The following ARSG variants were observed in gnomAD, a reference collection of about 807,000 sequenced individuals.
ARSG encodes arylsulfatase G.
A neutral mutation model predicts 50.5 loss-of-function variants in ARSG; 37 were observed. That is an observed-to-expected ratio of 0.73 (90% CI 0.56 to 0.96). The LOEUF (loss-of-function observed/expected upper bound fraction) is 0.96, where lower values mean the gene tolerates loss of function less well. Among genes scored for constraint, ARSG ranks in the 50% least tolerant of loss-of-function variants. ARSG has a pLI of 0.00. For missense variants in ARSG, 629 were observed against 675.3 expected, an observed-to-expected ratio of 0.93 and a Z score of 0.76; for synonymous variants, 225 against 254.6, an observed-to-expected ratio of 0.88 and a Z score of 1.11.
chr17:68,282,355 G>A (rs2075720151), intron 1 of ARSG, among the ~76,000 whole-genome samples: 2 of 152,060 alleles, frequency 1.3e-5, no homozygotes, highest in African/African-American at 4.8e-5. Context: ...CCTGTCGTGG[G>A]GTTGGGGGAA....
At chr17:68,278,010 C>T in intron 1 of ARSG, 1 of 905,234 alleles carries the variant, frequency 1.1e-6, no homozygotes, top group Non-Finnish European at 1.7e-6. Flanking sequence ...ATCACAAACA[C>T]ATCGACTACC....
the ARSG span, among the ~76,000 whole-genome samples, chr17:68,445,649 T>C: frequency 3.3e-5 from 5 of 152,358 alleles, no homozygotes; most frequent in African/African-American, 1.2e-4. Context: ...CTCTTCCCAA[T>C]GGCTGTGCTC....
intron 1 of ARSG, among the ~76,000 whole-genome samples, chr17:68,296,235 G>A (rs533039053): frequency 3.2e-4 from 48 of 152,246 alleles, no homozygotes; most frequent in African/African-American, 1.1e-3. Flanking sequence ...ATTTTGCCCC[G>A]ATCGAGTCAC....
At position 68,351,207 on chromosome 17, in the gene ARSG, A is replaced by C. The variant is rs557535533; in HGVS notation, c.455-368A>C. Among the ~76,000 whole-genome samples, 3 of 151,756 alleles carry C rather than the reference A, an allele frequency of 2.0e-5. No homozygotes were observed. In the East Asian group the frequency reaches 5.8e-4, roughly 29 times the overall value. Reference sequence around the variant, plus strand: ...TTTTTTTTTTCTCTGTGGTTGTGGCAGCTAAGAACAACTGTTTTTTTTTTA... The same window carrying C: ...TTTTTTTTTTCTCTGTGGTTGTGGCCGCTAAGAACAACTGTTTTTTTTTTA... On this transcript the variant is annotated intron_variant, in intron 4 of 11. Transcript: ENST00000621439.
At chr17:68,301,507 C>T (rs1422484960) in intron 1 of ARSG, among the ~76,000 whole-genome samples, 1 of 152,206 alleles carries the variant, frequency 6.6e-6, no homozygotes, top group East Asian at 1.9e-4. Context: ...GTGCCCTAGG[C>T]ATTTTGCTTG....
At chr17:68,316,813 CCCT>C (rs1279783639) in intron 2 of ARSG, among the ~76,000 whole-genome samples, 2 of 152,112 alleles carry the variant, frequency 1.3e-5, no homozygotes, top group Non-Finnish European at 2.9e-5. Context: ...CGTCACAATT[CCCT>C]CCTCTGGCTG....
chr17:68,351,652 T>C lies in ARSG; in HGVS notation c.532T>C (p.Cys178Arg), dbSNP rs750222555. The C allele has an allele frequency of 1.2e-6, 2 of 1,613,568 alleles. No homozygotes were observed. Among genetic ancestry groups the C allele is most frequent in the Admixed American group, 1.7e-5 (1 of 60,010 alleles). Residue 178 changes from cysteine (C) to arginine (R), a missense_variant, in exon 5 of 12, where the codon TGT becomes CGT. Coordinates refer to ENST00000621439, the MANE Select transcript of ARSG (RefSeq NM_001267727.2). ...TDTPGYNHPP[C>R]PACPQGDGPS... is the part of the protein sequence containing the mutation. Reference sequence around the variant, plus strand: ...TACTCCAGGCTACAACCACCCTCCTTGTCCAGCGTGTCCACAGGGTGATGG... The same window carrying C: ...TACTCCAGGCTACAACCACCCTCCTCGTCCAGCGTGTCCACAGGGTGATGG...
chr17:68,376,793 C>A (rs2080172260), intron 8 of ARSG, among the ~76,000 whole-genome samples: 1 of 152,028 alleles, frequency 6.6e-6, no homozygotes, highest in South Asian at 2.1e-4. Context: ...ATGAGAGAAG[C>A]CAGTGACAAA....
At chr17:68,438,140 C>T in the ARSG span, among the ~76,000 whole-genome samples, 1 of 152,154 alleles carries the variant, frequency 6.6e-6, no homozygotes, top group African/African-American at 2.4e-5. Context: ...TCATTTCCTG[C>T]TCTGGCTTTG....
chr17:68,347,477 A>G (rs553802626), intron 4 of ARSG, among the ~76,000 whole-genome samples: 68 of 152,206 alleles, frequency 4.5e-4, no homozygotes, highest in African/African-American at 1.5e-3. Context: ...ATTCTGCCCC[A>G]TGAGGTCCAG....
intron 1 of ARSG, chr17:68,259,503 AT>A (rs2075040504): frequency 6.6e-6 from 1 of 152,202 alleles, no homozygotes; most frequent in Non-Finnish European, 1.5e-5. Flanking sequence ...CACTTTGTAG[AT>A]TCTGATATCT....
chr17:68,269,765 C>T (rs1169885263), intron 1 of ARSG, among the ~76,000 whole-genome samples: 5 of 147,980 alleles, frequency 3.4e-5, no homozygotes, highest in Admixed American at 7.0e-5. Flanking sequence ...CCTCTGCCTC[C>T]CAGGTTCAAG....
chr17:68,326,219 G>A (rs972739053), intron 2 of ARSG, among the ~76,000 whole-genome samples: 18 of 152,350 alleles, frequency 1.2e-4, no homozygotes, highest in East Asian at 7.7e-4. Flanking sequence ...TGCTGCAGGT[G>A]TAGCCGGGTC....
rs143961568 is a variant in ARSG, at chr17:68,352,749, A to G, written c.566+1063A>G. 2.5e-4 allele frequency among the ~76,000 whole-genome samples: 38 copies of G among 152,184 alleles called. No individual in the cohort carries two copies. The East Asian group carries it at 7.0e-3, about 28-fold the overall frequency. On this transcript the variant is annotated intron_variant, in intron 5 of 11. Coordinates refer to ENST00000621439, the MANE Select transcript of ARSG (RefSeq NM_001267727.2). ...GGTCTTGAACTCCTGACCTCAGGTG[A>G]TCTGCCCACTTCGGCCTCCCAAAGT...
At chr17:68,415,761 C>T (rs1181087345) in intron 11 of ARSG, among the ~76,000 whole-genome samples, 1 of 152,162 alleles carries the variant, frequency 6.6e-6, no homozygotes. Context: ...CGGCCTTTTA[C>T]CATTGTATAA....
rs544842159 is a variant in ARSG, at chr17:68,366,162, C to T, written c.705-2386C>T. Among the ~76,000 whole-genome samples the T allele has an allele frequency of 5.3e-3, 810 of 152,080 alleles. 3 individuals are homozygous for T. Among genetic ancestry groups the T allele is most frequent in the Non-Finnish European group, 8.0e-3 (544 of 68,004 alleles). On this transcript the variant is annotated intron_variant, in intron 6 of 11. Transcript: ENST00000621439. ...CCATCTTGGCCCAGCTGGTCTCAAA[C>T]TCCTGACCTCAAATGATCCGCCTGC...
At chr17:68,266,899 G>A (rs1322632955) in intron 1 of ARSG, 1 of 152,088 alleles carries the variant, frequency 6.6e-6, no homozygotes, top group Non-Finnish European at 1.5e-5. Flanking sequence ...GAGTTAAAAG[G>A]TTTTGCAGAA....
At chr17:68,266,522 A>C (rs1395480693) in intron 1 of ARSG, among the ~76,000 whole-genome samples, 1 of 148,292 alleles carries the variant, frequency 6.7e-6, no homozygotes, top group African/African-American at 2.5e-5. Context: ...GACATAAAAA[A>C]GTTTAGGCTG....
chr17:68,429,276 A>G, the ARSG span, among the ~76,000 whole-genome samples: 2 of 152,200 alleles, frequency 1.3e-5, no homozygotes, highest in Admixed American at 1.3e-4. Context: ...CAAGACAGAA[A>G]GGGGGTAAAT....
Sources: gnomAD v4.1 joint callset for allele counts (sites outside exome capture counted in the v4.1 genomes callset) on GRCh38, gnomAD v4.1.1 for gene constraint, MANE v1.5 for transcripts, NCBI Gene and HGNC (gene_info 2026-07-23, HGNC 2026-07-21) for gene names.